The following ANKRD12 variants were observed in gnomAD, a reference collection of about 807,000 sequenced individuals.
The protein encoded by ANKRD12 is ankyrin repeat domain-containing protein 12.
In ANKRD12, 85 loss-of-function variants were observed where a neutral mutation model predicts 183.4. The observed-to-expected ratio is 0.46, with a 90% CI of 0.39 to 0.56. The LOEUF is 0.56. Ranked by LOEUF, ANKRD12 falls within the 20% of genes least tolerant of loss-of-function variation. ANKRD12 has a pLI of 0.00. For synonymous variants in ANKRD12, 914 were observed against 800.2 expected (o/e 1.14, Z -2.40); for missense variants, 2,405 against 2,357.1 (o/e 1.02, Z -0.42).
chr18:9,257,746 T>C lies in ANKRD12; in HGVS notation c.4479T>C (p.Ser1493=), dbSNP rs371299324. ...TTATGCCTCCACAGCAGCCTTGCTC[T>C]TTCCCCAGCCAATCACTTTCAGATG... ...ASFMPPQQPC[S]FPSQSLSDAE... Residue 1493 remains serine, a synonymous_variant, in exon 9 of 13, where the codon TCT becomes TCC. Coordinates refer to ENST00000262126, the MANE Select transcript of ANKRD12 (RefSeq NM_015208.5). 46 of 1,613,990 alleles carry C rather than the reference T, an allele frequency of 2.9e-5. No homozygotes were observed. The highest frequency in any genetic ancestry group is 3.3e-4 in the Middle Eastern group (2 of 6,084).
At chr18:9,263,732 T>G in intron 9 of ANKRD12, 58 bp from the exon 10 acceptor site, 1 of 1,280,380 alleles carries the variant, frequency 7.8e-7, no homozygotes, top group Non-Finnish European at 1.0e-6. Context: ...TTTAAAAGAA[T>G]AGCCCATTAT....
At chr18:9,177,294 C>G (rs1211184725) in intron 1 of ANKRD12, among the ~76,000 whole-genome samples, 2 of 152,246 alleles carry the variant, frequency 1.3e-5, no homozygotes, top group Admixed American at 1.3e-4. Context: ...AGCAAGTGGC[C>G]GTACCGCTAT....
chr18:9,193,816 T>A (rs1478498154), intron 2 of ANKRD12, among the ~76,000 whole-genome samples: 2 of 152,214 alleles, frequency 1.3e-5, no homozygotes, highest in Non-Finnish European at 2.9e-5. Context: ...TAAGATCTCC[T>A]GCTAAGGCAG....
At chr18:9,160,129 G>A (rs962073434) in intron 1 of ANKRD12, among the ~76,000 whole-genome samples, 1 of 151,874 alleles carries the variant, frequency 6.6e-6, no homozygotes, top group Non-Finnish European at 1.5e-5. Context: ...ATATTAGCTG[G>A]GTGTGGTGGC....
At chr18:9,232,606 T>G (rs915692137) in intron 8 of ANKRD12, among the ~76,000 whole-genome samples, 3 of 152,172 alleles carry the variant, frequency 2.0e-5, no homozygotes, top group African/African-American at 7.2e-5. Context: ...TGGAAACCTT[T>G]TTGCATTGGG....
chr18:9,277,180 C>A (rs975019430), intron 11 of ANKRD12, among the ~76,000 whole-genome samples: 39 of 152,070 alleles, frequency 2.6e-4, no homozygotes, highest in African/African-American at 9.4e-4. Context: ...CAAAGCCTGG[C>A]ATGGTGGCAC....
chr18:9,186,061 C>A (rs1262962392), intron 2 of ANKRD12, among the ~76,000 whole-genome samples: 2 of 151,830 alleles, frequency 1.3e-5, no homozygotes, highest in Admixed American at 6.6e-5. Flanking sequence ...TTAATTGTTC[C>A]TATGTACTTT....
intron 1 of ANKRD12, among the ~76,000 whole-genome samples, chr18:9,172,898 T>G (rs866471471): frequency 6.6e-6 from 1 of 151,778 alleles, no homozygotes; most frequent in African/African-American, 2.4e-5. Context: ...TTTTGTTTTT[T>G]GTTTTTTTGT....
chr18:9,182,604 A>G (rs2033778704), intron 2 of ANKRD12, 85 bp downstream of exon 2: 1 of 791,644 alleles, frequency 1.3e-6, no homozygotes. Flanking sequence ...TTCTCGTAAG[A>G]TAAAAACCAA....
chr18:9,153,435 T>C (rs1396697520), intron 1 of ANKRD12, among the ~76,000 whole-genome samples: 4 of 152,226 alleles, frequency 2.6e-5, no homozygotes, highest in Non-Finnish European at 4.4e-5. Flanking sequence ...TCCTTTGTCT[T>C]TTTCAGTTTC....
At chr18:9,170,879 T>C (rs1479255318) in intron 1 of ANKRD12, among the ~76,000 whole-genome samples, 1 of 152,168 alleles carries the variant, frequency 6.6e-6, no homozygotes. Flanking sequence ...ACAGATGGGT[T>C]TTTGGTGTGG....
rs562256250 is a variant in ANKRD12 at position 9,228,032 on chromosome 18, A to T, written c.943+6033A>T. On this transcript the variant is annotated intron_variant, in intron 8 of 12. Coordinates refer to ENST00000262126, the MANE Select transcript of ANKRD12 (RefSeq NM_015208.5). ...GAGATTTAAGTTTCTTAGCTTCCAC[A>T]TATGAGTGAGAGAACATGCTGTCTT... Among the ~76,000 whole-genome samples the T allele has an allele frequency of 2.6e-5, 4 of 152,258 alleles. No homozygotes were observed. The South Asian group carries it at 8.3e-4, about 32-fold the overall frequency.
In ANKRD12 at chr18:9,149,792, A is replaced by ATT. The variant is rs75749856; in HGVS notation, c.-52+12827_-52+12828insTT. On this transcript the variant is annotated intron_variant, in intron 1 of 12. Coordinates refer to ENST00000262126, the MANE Select transcript of ANKRD12 (RefSeq NM_015208.5). ...TAATGATTTATTTATTTATTTATTAAATTTTATTTTTTTTTTTTTTTGAGA... is the reference window on the plus strand; with the variant it reads ...TAATGATTTATTTATTTATTTATTAATTATTTTATTTTTTTTTTTTTTTGAGA... Among the ~76,000 whole-genome samples the ATT allele has an allele frequency of 3.5e-4, 10 of 28,218 alleles. No individual in the cohort carries two copies. The East Asian group carries it at 8.7e-3, about 25-fold the overall frequency. 18.5% of individuals were successfully genotyped at this position (28,218 alleles called of 152,430 possible).
At position 9,285,484 on chromosome 18, in the gene ANKRD12, T is replaced by C. The variant is rs956841061; in HGVS notation, c.*4358T>C. 1 of 151,512 alleles carries C rather than the reference T, an allele frequency of 6.6e-6. No individual in the cohort carries two copies. Among genetic ancestry groups the C allele is most frequent in the African/African-American group, 2.4e-5 (1 of 41,280 alleles). The allele number at this position is 151,512 out of a possible 1,614,324, so 9.4% of individuals were successfully genotyped here. ...CATATGTAGCATGTGTTTACAAGTT[T>C]AAAAGGCACCACCTATGCACTCATC... On this transcript the variant is annotated 3_prime_UTR_variant, in exon 13 of 13. Transcript: ENST00000262126.
intron 1 of ANKRD12, among the ~76,000 whole-genome samples, chr18:9,181,884 TGATA>T (rs1159234553): frequency 6.6e-6 from 1 of 152,196 alleles, no homozygotes; most frequent in Non-Finnish European, 1.5e-5. Context: ...GTGAGTAGTT[TGATA>T]AAGTGACTAA....
intron 1 of ANKRD12, among the ~76,000 whole-genome samples, chr18:9,181,749 A>G (rs892059705): frequency 3.9e-5 from 6 of 152,222 alleles, no homozygotes; most frequent in Admixed American, 1.3e-4. Flanking sequence ...TAAACTTGTC[A>G]TAATCATAAG....
intron 8 of ANKRD12, among the ~76,000 whole-genome samples, chr18:9,225,868 A>C (rs943837631): frequency 3.3e-5 from 5 of 152,008 alleles, no homozygotes; most frequent in Non-Finnish European, 7.3e-5. Context: ...TCCTGTACCC[A>C]CTAACTACAT....
At chr18:9,265,074 G>C (rs964315058) in intron 10 of ANKRD12, among the ~76,000 whole-genome samples, 1 of 151,284 alleles carries the variant, frequency 6.6e-6, no homozygotes, top group African/African-American at 2.4e-5. Flanking sequence ...AGCGAGGCTG[G>C]GGGAGGGGCA....
At chr18:9,158,137 A>G (rs2030878177) in intron 1 of ANKRD12, among the ~76,000 whole-genome samples, 1 of 152,200 alleles carries the variant, frequency 6.6e-6, no homozygotes, top group Non-Finnish European at 1.5e-5. Flanking sequence ...TTCTTGCTTT[A>G]GTAGAGTGGT....
Sources: gnomAD v4.1 joint callset for allele counts (sites outside exome capture counted in the v4.1 genomes callset) on GRCh38, gnomAD v4.1.1 for gene constraint, MANE v1.5 for transcripts, NCBI Gene and HGNC (gene_info 2026-07-23, HGNC 2026-07-21) for gene names.